FNTB: variants seen among roughly 807,000 people sequenced by gnomAD.
The protein encoded by FNTB is farnesyltransferase, CAAX box, subunit beta, also known as protein farnesyltransferase subunit beta.
FNTB carries 27 observed loss-of-function variants against 59.4 expected under a neutral mutation model. The ratio of observed to expected loss-of-function variants is 0.45; its 90% CI spans 0.34 to 0.63. The LOEUF is 0.63. Ranked by LOEUF, FNTB falls within the 20% of genes least tolerant of loss-of-function variation. The probability of loss-of-function intolerance (pLI) is 0.02; values close to 1 mark genes in which losing one functional copy is unlikely to be tolerated. For synonymous variants in FNTB, 230 were observed against 220.7 expected (o/e 1.04, Z -0.37); for missense variants, 449 against 559.6 (o/e 0.80, Z 1.99).
chr14:65,061,116 A>C (rs1382230637), intron 11 of FNTB, 65 bp from the exon 12 acceptor site: 2 of 1,589,022 alleles, frequency 1.3e-6, no homozygotes, highest in Admixed American at 3.5e-5. Flanking sequence ...TCATGGAGCA[A>C]AGGATGTGTT....
At chr14:65,033,707 A>G (rs2062131791) in intron 7 of FNTB, among the ~76,000 whole-genome samples, 1 of 152,180 alleles carries the variant, frequency 6.6e-6, no homozygotes, top group Admixed American at 6.5e-5. Context: ...AATACAAAAA[A>G]TTAGCTGGGC....
At chr14:65,035,967 G>C (rs1338449266) in intron 7 of FNTB, among the ~76,000 whole-genome samples, 1 of 151,952 alleles carries the variant, frequency 6.6e-6, no homozygotes. Flanking sequence ...GAGTAGCAGA[G>C]ACCACAGGTG....
In FNTB at chr14:65,023,648, G is replaced by A. The variant is rs1041018508; in HGVS notation, c.375-3805G>A. On this transcript the variant is annotated intron_variant, in intron 4 of 11. Coordinates refer to ENST00000246166, the MANE Select transcript of FNTB (RefSeq NM_002028.4). The surrounding 1 kb of genome is among the most constrained non-coding windows in gnomAD (Gnocchi z 4.1). ...GTGGAGTACTTGAAATGTGTCTTGT[G>A]TGACTGAAGAGCTGAATTTTCTATT... Among the ~76,000 whole-genome samples, 2 of 152,286 alleles carry A rather than the reference G, an allele frequency of 1.3e-5. No individual in the cohort carries two copies. Among genetic ancestry groups the A allele is most frequent in the African/African-American group, 2.4e-5 (1 of 41,554 alleles).
intron 11 of FNTB, among the ~76,000 whole-genome samples, chr14:65,059,207 G>A (rs898856461): frequency 5.3e-5 from 8 of 152,148 alleles, no homozygotes; most frequent in African/African-American, 1.9e-4. Flanking sequence ...ATTTTTTGTA[G>A]AGACAGGGTT....
In FNTB at chr14:65,060,908, G is replaced by A. The variant is rs1243797794; in HGVS notation, c.1183-273G>A. ...AAAAAAAAAAAAACAGTTTGAGATA[G>A]TATTGTACATACTGTTTTCTCACAT... On this transcript the variant is annotated intron_variant, in intron 11 of 11. Transcript: ENST00000246166. Among the ~76,000 whole-genome samples the A allele has an allele frequency of 2.7e-5, 4 of 145,682 alleles. No individual in the cohort carries two copies. The East Asian group carries it at 8.0e-4, about 29-fold the overall frequency.
chr14:65,015,409 T>G (rs1050233266), intron 3 of FNTB: 2 of 397,154 alleles, frequency 5.0e-6, no homozygotes, highest in East Asian at 7.6e-5. Flanking sequence ...AGCCTTGTTA[T>G]CTTTTTTTTT....
chr14:64,996,837 C>G (rs1385259826), intron 1 of FNTB, among the ~76,000 whole-genome samples: 1 of 143,622 alleles, frequency 7.0e-6, no homozygotes, highest in African/African-American at 2.6e-5. Context: ...ATAGCCAAAG[C>G]CTCCTTTAAC....
chr14:65,035,139 A>G (rs2062159925), intron 7 of FNTB, among the ~76,000 whole-genome samples: 1 of 152,224 alleles, frequency 6.6e-6, no homozygotes, highest in Admixed American at 6.5e-5. Flanking sequence ...GGCAGCCTGC[A>G]TCTTCCTGCC....
In FNTB at chr14:65,028,776, G is replaced by A. The variant is rs1443362580; in HGVS notation, c.605+995G>A. On this transcript the variant is annotated intron_variant, in intron 6 of 11. Transcript: ENST00000246166. The surrounding 1 kb of genome is among the most constrained non-coding windows in gnomAD (Gnocchi z 4.4). ...CCAGTAGAACGACTGAGGTAAATCA[G>A]TATGTGTTGATTCTTCTTAAGGAAA... Among the ~76,000 whole-genome samples the A allele has an allele frequency of 6.6e-6, 1 of 152,208 alleles. No homozygotes were observed. The highest frequency in any genetic ancestry group is 6.5e-5 in the Admixed American group (1 of 15,284).
rs972243087 is a variant in FNTB, at chr14:65,014,233, C to G, written c.283-1392C>G. On this transcript the variant is annotated intron_variant, in intron 3 of 11. Coordinates refer to ENST00000246166, the MANE Select transcript of FNTB (RefSeq NM_002028.4). The surrounding 1 kb of genome is among the most constrained non-coding windows in gnomAD (Gnocchi z 5.1). ...TTTAATTTATAAAACTGGGGCAGTA[C>G]TCCTACCTACCCTGCCTAGCCTTGA... Among the ~76,000 whole-genome samples, 1 of 152,196 alleles carries G rather than the reference C, an allele frequency of 6.6e-6. No homozygotes were observed. The highest frequency in any genetic ancestry group is 1.5e-5 in the Non-Finnish European group (1 of 68,038).
chr14:65,011,155 G>A lies in FNTB; in HGVS notation c.210-1162G>A, dbSNP rs2061676993. Among the ~76,000 whole-genome samples, 1 of 152,214 alleles carries A rather than the reference G, an allele frequency of 6.6e-6. No homozygotes were observed. The highest frequency in any genetic ancestry group is 2.4e-5 in the African/African-American group (1 of 41,454). ...GTAAAGACTACATGAAGGGCTGGGT[G>A]CGGTGGCTCACGCCTGTAATCCCAG... On this transcript the variant is annotated intron_variant, in intron 2 of 11. Transcript: ENST00000246166. This position sits in a 1 kb window ranked among gnomAD's most constrained non-coding sequence, Gnocchi z 4.0.
In FNTB at chr14:65,012,487, G is replaced by GCAGA. The variant is rs1428781198; in HGVS notation, c.282+99_282+102dup. 2 of 1,486,052 alleles carry GCAGA rather than the reference G, an allele frequency of 1.3e-6. No individual in the cohort carries two copies. The highest frequency in any genetic ancestry group is 2.8e-5 in the African/African-American group (2 of 71,898). 92.1% of individuals were successfully genotyped at this position (1,486,052 alleles called of 1,614,324 possible). On this transcript the variant is annotated intron_variant, in intron 3 of 11. Transcript: ENST00000246166. The surrounding 1 kb of genome is among the most constrained non-coding windows in gnomAD (Gnocchi z 5.0). ...AAAAGACTGTTGGGGCTGACCTGTT[G>GCAGA]CAGAGTCACTCTTTGTTCTCTGTGG... is the stretch of plus-strand genomic sequence containing the variant.
In FNTB at chr14:65,012,539, C is replaced by T. The variant is rs1038659839; in HGVS notation, c.282+150C>T. The T allele has an allele frequency of 5.5e-6, 6 of 1,096,768 alleles. No individual in the cohort carries two copies. The African/African-American group carries it at 6.3e-5, about 12-fold the overall frequency. The allele number at this position is 1,096,768 out of a possible 1,614,324, so 67.9% of individuals were successfully genotyped here. A position where few individuals can be genotyped will look rare whatever the true frequency, so the allele number is the denominator to read the frequency against. On this transcript the variant is annotated intron_variant, in intron 3 of 11. Coordinates refer to ENST00000246166, the MANE Select transcript of FNTB (RefSeq NM_002028.4). The surrounding 1 kb of genome is among the most constrained non-coding windows in gnomAD (Gnocchi z 5.0). Reference sequence around the variant, plus strand: ...TCTGGCAGGAGGTAGGGTGCTGTCACAGAGCTGGGACTCAGCCCTGAAAGG... The same window carrying T: ...TCTGGCAGGAGGTAGGGTGCTGTCATAGAGCTGGGACTCAGCCCTGAAAGG...
intron 1 of FNTB, among the ~76,000 whole-genome samples, chr14:65,000,734 C>A (rs1888562288): frequency 6.9e-6 from 1 of 145,738 alleles, no homozygotes; most frequent in Admixed American, 7.1e-5. Flanking sequence ...GCAGAAGAAT[C>A]ACTTGAACCC....
Position 65,030,223 on chromosome 14 carries a change from A to T in FNTB, c.606-2387A>T, listed in dbSNP as rs1386569353. Among the ~76,000 whole-genome samples, 1 of 152,186 alleles carries T rather than the reference A, an allele frequency of 6.6e-6. No individual in the cohort carries two copies. The highest frequency in any genetic ancestry group is 1.5e-5 in the Non-Finnish European group (1 of 68,028). The stretch of plus-strand genomic sequence containing the variant: ...CTTTAAGAGGCCTACAATTGCAAGG[A>T]AATTAGACAGATCTTCAAAATTAGC... On this transcript the variant is annotated intron_variant, in intron 6 of 11. Coordinates refer to ENST00000246166, the MANE Select transcript of FNTB (RefSeq NM_002028.4). The surrounding 1 kb of genome is among the most constrained non-coding windows in gnomAD (Gnocchi z 4.5).
intron 9 of FNTB, among the ~76,000 whole-genome samples, chr14:65,050,068 G>A (rs1398972835): frequency 2.0e-5 from 3 of 152,102 alleles, no homozygotes; most frequent in Non-Finnish European, 4.4e-5. Context: ...GGAGAAAATA[G>A]ATGCAGCATA....
intron 9 of FNTB, among the ~76,000 whole-genome samples, chr14:65,048,014 G>C (rs1213055557): frequency 1.7e-5 from 2 of 115,400 alleles, no homozygotes; most frequent in Admixed American, 2.3e-4. Context: ...TTGAGACAGA[G>C]TCTCACTCTG....
chr14:65,018,607 C>T (rs1331581335), intron 4 of FNTB, among the ~76,000 whole-genome samples: 1 of 151,286 alleles, frequency 6.6e-6, no homozygotes, highest in Non-Finnish European at 1.5e-5. Context: ...ATCAAGAGTT[C>T]GAGACCAGCC....
chr14:65,032,529 G>T lies in FNTB; in HGVS notation c.606-81G>T. 6.6e-7 allele frequency: 1 copy of T among 1,512,524 alleles called. No individual in the cohort carries two copies. The highest frequency in any genetic ancestry group is 2.4e-5 in the East Asian group (1 of 42,198). 93.7% of individuals were successfully genotyped at this position (1,512,524 alleles called of 1,614,324 possible). On this transcript the variant is annotated intron_variant, in intron 6 of 11. Coordinates refer to ENST00000246166, the MANE Select transcript of FNTB (RefSeq NM_002028.4). The surrounding 1 kb of genome is among the most constrained non-coding windows in gnomAD (Gnocchi z 5.0). ...GTGATTACAGCTTACTAGGCAAGGC[G>T]AGCAGTCCGCCCGCGGAGTTCACTG...
Sources: gnomAD v4.1 joint callset for allele counts (sites outside exome capture counted in the v4.1 genomes callset) on GRCh38, gnomAD v4.1.1 for gene constraint, Gnocchi (gnomAD v3.1) non-coding constraint, MANE v1.5 for transcripts, NCBI Gene and HGNC (gene_info 2026-07-23, HGNC 2026-07-21) for gene names.